Variants in SUSD6 observed in about 807,000 individuals in gnomAD.
SUSD6 encodes the protein sushi domain containing 6, also known as sushi domain-containing protein 6.
Under a neutral mutation model 28.4 loss-of-function variants are expected in SUSD6, and 16 were observed. That is an observed-to-expected ratio of 0.56 (90% CI 0.38 to 0.86). SUSD6 has a LOEUF of 0.86. Ranked by LOEUF, SUSD6 falls within the 40% of genes least tolerant of loss-of-function variation. The probability of loss-of-function intolerance (pLI) is 0.00; values close to 1 mark genes in which losing one functional copy is unlikely to be tolerated. For missense variants in SUSD6, 341 were observed against 384.2 expected (o/e 0.89, Z 0.94); for synonymous variants, 147 against 159.6 (o/e 0.92, Z 0.59).
intron 2 of SUSD6, among the ~76,000 whole-genome samples, chr14:69,684,436 T>G (rs1886042151): frequency 6.6e-6 from 1 of 152,200 alleles, no homozygotes; most frequent in African/African-American, 2.4e-5. Flanking sequence ...TTGAGAGAGA[T>G]TCTATCAGTG....
In SUSD6 at chr14:69,691,494, CCTTT is replaced by C; in HGVS notation, c.122-11892_122-11889del. 2.6e-5 allele frequency among the ~76,000 whole-genome samples: 4 copies of C among 152,306 alleles called. No individual in the cohort carries two copies. In the South Asian group the frequency reaches 8.3e-4, roughly 32 times the overall value. On this transcript the variant is annotated intron_variant, in intron 2 of 5. Transcript: ENST00000342745. ...CCATAACTAGAGTTTACTGGTGTTT[CCTTT>C]CTTTCTTTGCGGTTGTCTAGGCCTT...
rs772456729 is a variant in SUSD6, at chr14:69,658,614, C to A, written c.22C>A (p.Pro8Thr). The change falls in exon 2 of 6, where the codon CCA (proline) becomes ACA (threonine). Residue 8 changes from proline to threonine, a missense_variant. By Grantham distance (38) the Pro-to-Thr change is conservative (BLOSUM62 -1). Transcript: ENST00000342745. MCHGRIA[P>T]KSTSVFAVAS... is the part of the protein sequence containing the mutation. Reference sequence around the variant, plus strand: ...AAAGATGTGCCATGGCAGGATAGCACCAAAGAGCACCTCAGTGTTTGCCGT... The same window carrying A: ...AAAGATGTGCCATGGCAGGATAGCAACAAAGAGCACCTCAGTGTTTGCCGT... 6.2e-7 allele frequency: 1 copy of A among 1,613,996 alleles called. No homozygotes were observed.
intron 2 of SUSD6, among the ~76,000 whole-genome samples, chr14:69,672,910 G>A (rs935032688): frequency 2.6e-5 from 4 of 152,234 alleles, no homozygotes; most frequent in African/African-American, 9.7e-5. Flanking sequence ...TTTGTTCACA[G>A]TACTAGGTGA....
intron 2 of SUSD6, among the ~76,000 whole-genome samples, chr14:69,663,126 C>T (rs1885687353): frequency 6.6e-6 from 1 of 152,196 alleles, no homozygotes; most frequent in South Asian, 2.1e-4. Context: ...TCAGGAATCC[C>T]CATTGCTTTC....
Position 69,708,679 on chromosome 14 carries a change from G to C in SUSD6, c.461G>C (p.Arg154Pro), listed in dbSNP as rs764697291. 3 of 1,560,508 alleles carry C rather than the reference G, an allele frequency of 1.9e-6. No homozygotes were observed. In the South Asian group the frequency reaches 3.6e-5, roughly 19 times the overall value. ...TGTCTTTTCCTCCTCCACTCCAGGC[G>C]TGACCAGGGGGTATCTGGGGACCAG... ...PKLKSFHHSRRDQGVSGDQVS... is the reference protein window; with the variant it reads ...PKLKSFHHSRPDQGVSGDQVS... Residue 154 changes from arginine (R) to proline (P), a missense_variant and splice_region_variant, in exon 5 of 6, where the codon CGT (arginine) becomes CCT (proline). Physicochemically the swap from Arg to Pro is moderately radical, Grantham distance 103. Transcript: ENST00000342745.
intron 2 of SUSD6, among the ~76,000 whole-genome samples, chr14:69,700,250 G>T (rs1477598602): frequency 6.6e-6 from 1 of 152,130 alleles, no homozygotes; most frequent in Non-Finnish European, 1.5e-5. Flanking sequence ...ACCTTGCTGA[G>T]GACTCTTTTG....
At chr14:69,613,414 A>G (rs760454487) in intron 1 of SUSD6, among the ~76,000 whole-genome samples, 27 of 152,224 alleles carry the variant, frequency 1.8e-4, no homozygotes, top group Non-Finnish European at 3.4e-4. Context: ...TTCTGAAAGC[A>G]CTGCTGCTTC....
chr14:69,688,058 G>A (rs1252424050), intron 2 of SUSD6, among the ~76,000 whole-genome samples: 1 of 151,944 alleles, frequency 6.6e-6, no homozygotes, highest in African/African-American at 2.4e-5. Context: ...GAAACATCTA[G>A]CCTGCTTTTT....
At chr14:69,705,846 T>C (rs1886380209) in intron 4 of SUSD6, among the ~76,000 whole-genome samples, 1 of 152,260 alleles carries the variant, frequency 6.6e-6, no homozygotes, top group East Asian at 1.9e-4. Flanking sequence ...CTGATGGTGC[T>C]GGCCCTGAGT....
At chr14:69,666,023 T>C (rs999367939) in intron 2 of SUSD6, among the ~76,000 whole-genome samples, 1 of 152,218 alleles carries the variant, frequency 6.6e-6, no homozygotes, top group African/African-American at 2.4e-5. Flanking sequence ...CCAATTGATA[T>C]CATTCCACAC....
At chr14:69,636,679 T>C (rs1454092729) in intron 1 of SUSD6, among the ~76,000 whole-genome samples, 1 of 152,238 alleles carries the variant, frequency 6.6e-6, no homozygotes, top group Non-Finnish European at 1.5e-5. Context: ...GAGCTGTTCC[T>C]ACCTTGTTGG....
chr14:69,686,371 G>A (rs1480028761), intron 2 of SUSD6, among the ~76,000 whole-genome samples: 1 of 152,140 alleles, frequency 6.6e-6, no homozygotes, highest in African/African-American at 2.4e-5. Flanking sequence ...GACTATGAGG[G>A]TCCTTGCTAG....
chr14:69,667,859 G>T (rs1246028346), intron 2 of SUSD6, among the ~76,000 whole-genome samples: 1 of 152,054 alleles, frequency 6.6e-6, no homozygotes, highest in East Asian at 1.9e-4. Context: ...CTTTGTTCTT[G>T]ATTCCATATG....
chr14:69,699,859 A>G (rs1886288823), intron 2 of SUSD6, among the ~76,000 whole-genome samples: 1 of 152,144 alleles, frequency 6.6e-6, no homozygotes, highest in South Asian at 2.1e-4. Flanking sequence ...GCACTTCTGC[A>G]GTTAAATGAA....
At chr14:69,684,274 GT>G (rs1473514880) in intron 2 of SUSD6, among the ~76,000 whole-genome samples, 1 of 152,184 alleles carries the variant, frequency 6.6e-6, no homozygotes, top group African/African-American at 2.4e-5. Flanking sequence ...GATATTGGGT[GT>G]TACTACCTTC....
chr14:69,686,723 C>A (rs909751114), intron 2 of SUSD6, among the ~76,000 whole-genome samples: 1 of 152,094 alleles, frequency 6.6e-6, no homozygotes, highest in Admixed American at 6.6e-5. Context: ...CTTGTGAGAC[C>A]CATTCACTAT....
chr14:69,636,737 G>A lies in SUSD6; in HGVS notation c.-80-21776G>A, dbSNP rs1481192044. ...TGGACCTCCAGTCTGGCAGAGGCCTGGACGAGAGCTATTCCTTGGGTTCTC... is the reference window on the plus strand; with the variant it reads ...TGGACCTCCAGTCTGGCAGAGGCCTAGACGAGAGCTATTCCTTGGGTTCTC... On this transcript the variant is annotated intron_variant, in intron 1 of 5. Coordinates refer to ENST00000342745, the MANE Select transcript of SUSD6 (RefSeq NM_014734.4). Among the ~76,000 whole-genome samples, 9 of 152,324 alleles carry A rather than the reference G, an allele frequency of 5.9e-5. No homozygotes were observed. The East Asian group carries it at 1.7e-3, about 29-fold the overall frequency.
rs1229388234 is a variant in SUSD6, at chr14:69,712,528, A to G, written c.*1549A>G. ...AACTTCGAAGCGGACCCTGTGCTGC[A>G]TGTCTGCTCCTCCCCTGAGCCTGTC... On this transcript the variant is annotated 3_prime_UTR_variant, in exon 6 of 6. Transcript: ENST00000342745. 2 of 152,230 alleles carry G rather than the reference A, an allele frequency of 1.3e-5. No homozygotes were observed. The highest frequency in any genetic ancestry group is 2.9e-5 in the Non-Finnish European group (2 of 68,056). 9.4% of individuals were successfully genotyped at this position (152,230 alleles called of 1,614,324 possible). A position where few individuals can be genotyped will look rare whatever the true frequency, so the allele number is the denominator to read the frequency against.
chr14:69,627,092 A>G (rs1040248573), intron 1 of SUSD6, among the ~76,000 whole-genome samples: 12 of 152,200 alleles, frequency 7.9e-5, no homozygotes, highest in African/African-American at 2.9e-4. Flanking sequence ...AACTAATTGC[A>G]AAATAAGAAT....
Sources: allele counts gnomAD v4.1 joint callset (sites outside exome capture counted in the v4.1 genomes callset), GRCh38; gene constraint gnomAD v4.1.1; transcripts MANE v1.5; gene names NCBI Gene and HGNC (gene_info 2026-07-23, HGNC 2026-07-21).